Variants in TNC observed in about 807,000 individuals in gnomAD.
TNC encodes tenascin C.
A neutral mutation model predicts 202.4 loss-of-function variants in TNC; 109 were observed. The observed-to-expected ratio is 0.54, with a 90% CI of 0.46 to 0.63. The LOEUF is 0.63. Among genes scored for constraint, TNC ranks in the 30% least tolerant of loss-of-function variants. The probability of loss-of-function intolerance (pLI) is 0.00; values close to 1 mark genes in which losing one functional copy is unlikely to be tolerated. For synonymous variants in TNC, 1,007 were observed against 1,089.7 expected (o/e 0.92, Z 1.50); for missense variants, 2,756 against 2,833.3 (o/e 0.97, Z 0.62).
At position 115,048,396 on chromosome 9, in the gene TNC, G is replaced by C. The variant is rs368037525; in HGVS notation, c.4716C>G (p.Pro1572=). Reference sequence around the variant, plus strand: ...GGGTTCCTGAAAGTGTGAATTCCTGGGGGTCCAGCAGCTTCCCAGAATCCA... The same window carrying C: ...GGGTTCCTGAAAGTGTGAATTCCTGCGGGTCCAGCAGCTTCCCAGAATCCA... The part of the protein sequence containing the change: ...TVVDSGKLLD[P]QEFTLSGTQR... Residue 1572 remains proline, a synonymous_variant, in exon 16 of 28, where the codon CCC becomes CCG. Transcript: ENST00000350763. 1.9e-6 allele frequency: 3 copies of C among 1,613,920 alleles called. No individual in the cohort carries two copies. In the African/African-American group the frequency reaches 4.0e-5, roughly 22 times the overall value.
intron 27 of TNC, among the ~76,000 whole-genome samples, chr9:115,023,440 G>T (rs1829239926): frequency 1.3e-5 from 2 of 152,366 alleles, no homozygotes; most frequent in African/African-American, 4.8e-5. Flanking sequence ...AGTGCTAGAG[G>T]TGTGTGTGGT....
rs1829022898 is a variant in TNC at position 115,021,040 on chromosome 9, G to C, written c.*117C>G. ...GCCCCAGGGATCCATGGTCAGCTTT[G>C]ACTCTCACCAAATGCCCAGGTGTGG... On this transcript the variant is annotated 3_prime_UTR_variant, in exon 28 of 28. Coordinates refer to ENST00000350763, the MANE Select transcript of TNC (RefSeq NM_002160.4). 1 of 781,888 alleles carries C rather than the reference G, an allele frequency of 1.3e-6. No homozygotes were observed. Among genetic ancestry groups the C allele is most frequent in the South Asian group, 1.8e-5 (1 of 55,944 alleles). The allele number at this position is 781,888 out of a possible 1,614,324, so 48.4% of individuals were successfully genotyped here.
chr9:115,044,177 G>T (rs1830992342), intron 17 of TNC, among the ~76,000 whole-genome samples: 1 of 151,844 alleles, frequency 6.6e-6, no homozygotes, highest in South Asian at 2.1e-4. Context: ...CTACAGCAGG[G>T]CCTTCTCAGG....
chr9:115,057,174 T>C lies in TNC; in HGVS notation c.4558A>G (p.Ile1520Val), dbSNP rs1349771438. ...GTACCTGTCGTGGCTGTGGCACTGA[T>C]GGTTTTGGTCCGGATGCTGGGAGCA... ...GLAPSIRTKT[I>V]SATATTEALP... The change falls in exon 15 of 28, where the codon ATC becomes GTC. Residue 1520 changes from isoleucine (I) to valine (V), a missense_variant. By Grantham distance (29) the Ile-to-Val change is conservative (BLOSUM62 3). Around this residue, in one of 2 missense-constraint regions of TNC, gnomAD observed 2,559 missense variants for 2,546.0 expected, o/e 1.01. Coordinates refer to ENST00000350763, the MANE Select transcript of TNC (RefSeq NM_002160.4). The C allele has an allele frequency of 6.2e-7, 1 of 1,613,146 alleles. No homozygotes were observed. Among genetic ancestry groups the C allele is most frequent in the East Asian group, 2.2e-5 (1 of 44,876 alleles).
intron 1 of TNC, among the ~76,000 whole-genome samples, chr9:115,108,260 T>C (rs2134232824): frequency 6.6e-6 from 1 of 152,322 alleles, no homozygotes; most frequent in South Asian, 2.1e-4. Flanking sequence ...CAGTGAAGAA[T>C]TTCCCAGACT....
chr9:115,035,331 A>G lies in TNC; in HGVS notation c.5660T>C (p.Leu1887Pro). The G allele has an allele frequency of 6.2e-7, 1 of 1,610,698 alleles. No homozygotes were observed. Among genetic ancestry groups the G allele is most frequent in the Non-Finnish European group, 8.5e-7 (1 of 1,178,664 alleles). ...STITAKFTTDLDSPRDLTATE... is the reference protein window; with the variant it reads ...STITAKFTTDPDSPRDLTATE... ...AGCAGTCAAGTCTCTTGGAGAATCG[A>G]GGTCTGGAGAAGACAGGATGATTAA... The change falls in exon 22 of 28, where the codon CTC becomes CCC. Residue 1887 changes from leucine to proline, a missense_variant. By Grantham distance (98) the Leu-to-Pro change is moderately conservative. Coordinates refer to ENST00000350763, the MANE Select transcript of TNC (RefSeq NM_002160.4).
intron 19 of TNC, among the ~76,000 whole-genome samples, chr9:115,038,592 C>T (rs1285469826): frequency 6.6e-6 from 1 of 152,188 alleles, no homozygotes; most frequent in Non-Finnish European, 1.5e-5. Context: ...CCTCTATATC[C>T]TCATGTGTAA....
At chr9:115,062,237 A>C (rs1832597375) in intron 13 of TNC, among the ~76,000 whole-genome samples, 1 of 152,196 alleles carries the variant, frequency 6.6e-6, no homozygotes, top group South Asian at 2.1e-4. Context: ...TTTATTGCTC[A>C]CGACAGTTTC....
chr9:115,037,339 C>A (rs1830407294), intron 20 of TNC, among the ~76,000 whole-genome samples: 2 of 152,120 alleles, frequency 1.3e-5, no homozygotes, highest in Admixed American at 6.5e-5. Flanking sequence ...TAGAGTAGCT[C>A]ATTACAAAAT....
intron 18 of TNC, 151 bp from the exon 19 acceptor site, chr9:115,041,235 G>T: frequency 1.2e-6 from 1 of 858,568 alleles, no homozygotes; most frequent in Non-Finnish European, 1.6e-6. Flanking sequence ...CTACCCTCTG[G>T]CATAAGGGAA....
At position 115,084,221 on chromosome 9, in the gene TNC, T is replaced by G; in HGVS notation, c.2119A>C (p.Arg707=). 6.2e-7 allele frequency: 1 copy of G among 1,614,072 alleles called. No homozygotes were observed. The highest frequency in any genetic ancestry group is 8.5e-7 in the Non-Finnish European group (1 of 1,179,962). The stretch of plus-strand genomic sequence containing the variant: ...TCTGCTCACTCACACGTGGCCACCC[T>G]GGCGCTGACAGGAATGCTCTTCTTG... The part of the protein sequence containing the change: ...ENKKSIPVSA[R]VATYLPAPEG... Residue 707 remains arginine (R), a synonymous_variant, in exon 4 of 28, where the codon AGG becomes CGG. Coordinates refer to ENST00000350763, the MANE Select transcript of TNC (RefSeq NM_002160.4).
intron 1 of TNC, among the ~76,000 whole-genome samples, chr9:115,094,205 C>A (rs151332039): frequency 6.6e-6 from 1 of 152,092 alleles, no homozygotes; most frequent in Non-Finnish European, 1.5e-5. Flanking sequence ...TATTTTGTTG[C>A]GCTCCTGGGG....
chr9:115,107,646 A>T (rs1048963756), intron 1 of TNC, among the ~76,000 whole-genome samples: 2 of 152,214 alleles, frequency 1.3e-5, no homozygotes, highest in African/African-American at 4.8e-5. Context: ...CTTAAGAGGC[A>T]GAGCCAGCTT....
chr9:115,074,336 C>T (rs1833685633), intron 9 of TNC, among the ~76,000 whole-genome samples: 4 of 152,178 alleles, frequency 2.6e-5, no homozygotes, highest in Admixed American at 2.6e-4. Context: ...TGGGAGGCCT[C>T]ATGAATGGGA....
chr9:115,044,384 G>GACACACAC (rs113847516), intron 17 of TNC, among the ~76,000 whole-genome samples: 2,213 of 147,198 alleles, frequency 0.015, 99 homozygotes, highest in East Asian at 0.087. Flanking sequence ...CAGGCATGTA[G>GACACACAC]ACACACACAC....
intron 13 of TNC, among the ~76,000 whole-genome samples, chr9:115,061,346 C>T (rs187084355): frequency 8.7e-4 from 133 of 152,164 alleles, no homozygotes; most frequent in Non-Finnish European, 4.1e-4. Flanking sequence ...GGAGGTATCC[C>T]CCTCTTACTT....
intron 18 of TNC, among the ~76,000 whole-genome samples, chr9:115,041,434 A>G (rs1015614532): frequency 6.6e-6 from 1 of 152,204 alleles, no homozygotes; most frequent in South Asian, 2.1e-4. Context: ...CTTACTATGT[A>G]ATGTATGTCA....
intron 1 of TNC, among the ~76,000 whole-genome samples, chr9:115,101,438 C>G (rs1045718993): frequency 1.3e-5 from 2 of 152,156 alleles, no homozygotes; most frequent in Non-Finnish European, 2.9e-5. Flanking sequence ...GTCTCGAACT[C>G]CTGACCTCAG....
intron 4 of TNC, among the ~76,000 whole-genome samples, 164 bp from the exon 5 acceptor site, chr9:115,082,971 G>A (rs1011770415): frequency 1.2e-4 from 19 of 152,182 alleles, no homozygotes; most frequent in Non-Finnish European, 2.6e-4. Context: ...TCTCTATGAG[G>A]CTGTATAAAA....
Sources: gnomAD v4.1 joint callset for allele counts (sites outside exome capture counted in the v4.1 genomes callset) on GRCh38, gnomAD v4.1.1 for gene constraint, gnomAD v4.1.1 regional missense constraint, MANE v1.5 for transcripts, NCBI Gene and HGNC (gene_info 2026-07-23, HGNC 2026-07-21) for gene names.